Variants in FMNL2 observed in about 807,000 individuals in gnomAD.
FMNL2 encodes formin like 2.
FMNL2 carries 51 observed loss-of-function variants against 130.2 expected under a neutral mutation model. That is an observed-to-expected ratio of 0.39 (90% CI 0.31 to 0.49). The LOEUF (loss-of-function observed/expected upper bound fraction) is 0.49, where lower values mean the gene tolerates loss of function less well. Ranked by LOEUF, FMNL2 falls within the 20% of genes least tolerant of loss-of-function variation. FMNL2 has a pLI of 0.85. For synonymous variants in FMNL2, 465 were observed against 467.1 expected, an observed-to-expected ratio of 1.00 and a Z score of 0.06; for missense variants, 977 against 1,316.2, an observed-to-expected ratio of 0.74 and a Z score of 3.99.
Position 152,648,910 on chromosome 2 carries a change from G to A in FMNL2, c.*1005G>A, listed in dbSNP as rs895473972. ...ATGGAGAATTGCAGTTTAAGTTGCTGAAAAGTATTAACATGGTATTAAGCT... is the reference window on the plus strand; with the variant it reads ...ATGGAGAATTGCAGTTTAAGTTGCTAAAAAGTATTAACATGGTATTAAGCT... On this transcript the variant is annotated 3_prime_UTR_variant, in exon 26 of 26. Coordinates refer to ENST00000288670, the MANE Select transcript of FMNL2 (RefSeq NM_052905.4). 2.0e-5 allele frequency: 3 copies of A among 152,568 alleles called. No homozygotes were observed. The highest frequency in any genetic ancestry group is 4.8e-5 in the African/African-American group (2 of 41,434). The allele number at this position is 152,568 out of a possible 1,614,324, so 9.5% of individuals were successfully genotyped here.
At chr2:152,341,635 T>A (rs575977969) in intron 1 of FMNL2, among the ~76,000 whole-genome samples, 18 of 152,330 alleles carry the variant, frequency 1.2e-4, no homozygotes, top group African/African-American at 3.8e-4. Flanking sequence ...TTGGCACAAT[T>A]GTTAACATAG....
chr2:152,547,883 C>T (rs1218517758), intron 3 of FMNL2, among the ~76,000 whole-genome samples: 1 of 152,200 alleles, frequency 6.6e-6, no homozygotes, highest in Non-Finnish European at 1.5e-5. Context: ...GAGGCGCTGA[C>T]ATCAAGTTTT....
intron 1 of FMNL2, among the ~76,000 whole-genome samples, chr2:152,415,806 C>T (rs929078255): frequency 6.6e-6 from 1 of 152,172 alleles, no homozygotes; most frequent in East Asian, 1.9e-4. Context: ...GATAAATTAG[C>T]AAGTAGTTTC....
chr2:152,471,550 G>A (rs973826457), intron 1 of FMNL2, among the ~76,000 whole-genome samples: 3 of 152,190 alleles, frequency 2.0e-5, no homozygotes, highest in African/African-American at 4.8e-5. Flanking sequence ...TAGTCCACGT[G>A]GGGGTGGGCG....
intron 8 of FMNL2, among the ~76,000 whole-genome samples, chr2:152,580,539 T>A (rs1242994219): frequency 2.6e-5 from 4 of 152,210 alleles, no homozygotes; most frequent in Non-Finnish European, 5.9e-5. Context: ...GAACTTTTTT[T>A]TTTGCAAATG....
chr2:152,398,290 T>A (rs1685508256), intron 1 of FMNL2, among the ~76,000 whole-genome samples: 1 of 152,196 alleles, frequency 6.6e-6, no homozygotes, highest in South Asian at 2.1e-4. Context: ...AGAGCACAGA[T>A]TTTTTATATG....
chr2:152,382,810 T>C (rs765164030), intron 1 of FMNL2, among the ~76,000 whole-genome samples: 6 of 151,960 alleles, frequency 3.9e-5, no homozygotes, highest in Non-Finnish European at 7.4e-5. Context: ...GGGGAAAAAA[T>C]AGAAGTGTGT....
intron 1 of FMNL2, among the ~76,000 whole-genome samples, chr2:152,338,303 A>G (rs923793966): frequency 1.3e-5 from 2 of 152,192 alleles, no homozygotes; most frequent in Admixed American, 6.5e-5. Context: ...ACCTCATTGT[A>G]AGTATGGCTA....
intron 1 of FMNL2, among the ~76,000 whole-genome samples, chr2:152,489,138 G>A (rs1403971589): frequency 6.6e-6 from 1 of 152,098 alleles, no homozygotes; most frequent in Non-Finnish European, 1.5e-5. Context: ...CTGCTTCCAG[G>A]CTAAACCCAT....
chr2:152,412,475 TA>T (rs1686365225), intron 1 of FMNL2, among the ~76,000 whole-genome samples: 1 of 31,770 alleles, frequency 3.1e-5, no homozygotes, highest in African/African-American at 1.0e-4. Context: ...TATATATATA[TA>T]TATATATATA....
At chr2:152,438,019 C>A (rs1687854479) in intron 1 of FMNL2, among the ~76,000 whole-genome samples, 1 of 152,170 alleles carries the variant, frequency 6.6e-6, no homozygotes, top group Admixed American at 6.6e-5. Context: ...AAGAGACTTA[C>A]ATGGAAACTT....
intron 9 of FMNL2, among the ~76,000 whole-genome samples, chr2:152,605,914 A>G (rs937051505): frequency 1.3e-5 from 2 of 152,224 alleles, no homozygotes; most frequent in African/African-American, 2.4e-5. Flanking sequence ...ATCATGGAGA[A>G]CAGGAAGTCA....
chr2:152,361,129 TA>T (rs1473111214), intron 1 of FMNL2, among the ~76,000 whole-genome samples: 3 of 152,202 alleles, frequency 2.0e-5, no homozygotes, highest in Non-Finnish European at 4.4e-5. Context: ...TTTTTCCAGG[TA>T]AAAGCATTTA....
intron 9 of FMNL2, among the ~76,000 whole-genome samples, chr2:152,589,979 A>ATGTATGTATATGTATG (rs1188116941): frequency 6.1e-4 from 27 of 44,490 alleles, no homozygotes; most frequent in South Asian, 3.1e-3. Flanking sequence ...ATATATATAT[A>ATGTATGTATATGTATG]TATATGTATA....
At chr2:152,568,838 TG>T (rs1696009115) in intron 6 of FMNL2, among the ~76,000 whole-genome samples, 1 of 152,146 alleles carries the variant, frequency 6.6e-6, no homozygotes, top group Admixed American at 6.5e-5. Flanking sequence ...ATGGGGATTA[TG>T]GGAACTACAG....
At position 152,649,372 on chromosome 2, in the gene FMNL2, T is replaced by G. The variant is rs546712964; in HGVS notation, c.*1467T>G. The G allele has an allele frequency of 6.6e-6, 1 of 152,490 alleles. No homozygotes were observed. The highest frequency in any genetic ancestry group is 1.5e-5 in the Non-Finnish European group (1 of 68,004). 9.4% of individuals were successfully genotyped at this position (152,490 alleles called of 1,614,324 possible). A position where few individuals can be genotyped will look rare whatever the true frequency, so the allele number is the denominator to read the frequency against. On this transcript the variant is annotated 3_prime_UTR_variant, in exon 26 of 26. Transcript: ENST00000288670. ...TATACAATCTGAATGTTATTTTAACTTATAGTTTTTTTTAATATATATATT... is the reference window on the plus strand; with the variant it reads ...TATACAATCTGAATGTTATTTTAACGTATAGTTTTTTTTAATATATATATT...
intron 1 of FMNL2, among the ~76,000 whole-genome samples, chr2:152,366,125 A>C (rs1007853738): frequency 1.3e-5 from 2 of 152,096 alleles, no homozygotes; most frequent in African/African-American, 4.8e-5. Context: ...GAAATTTGGA[A>C]GATTACTGGT....
intron 1 of FMNL2, among the ~76,000 whole-genome samples, chr2:152,396,137 C>T (rs1220547693): frequency 6.6e-6 from 1 of 152,180 alleles, no homozygotes; most frequent in Admixed American, 6.5e-5. Flanking sequence ...ACATCCCTCC[C>T]CCTCTCCTTT....
rs537071072 is a variant in FMNL2 at position 152,550,586 on chromosome 2, T to C, written c.359+1489T>C. Among the ~76,000 whole-genome samples the C allele has an allele frequency of 2.0e-5, 3 of 152,346 alleles. 1 individual carries two copies. The highest frequency in any genetic ancestry group is 2.0e-4 in the Admixed American group (3 of 15,302). On this transcript the variant is annotated intron_variant, in intron 4 of 25. Coordinates refer to ENST00000288670, the MANE Select transcript of FMNL2 (RefSeq NM_052905.4). Reference sequence around the variant, plus strand: ...GCTCTGTTGTTTTTCCTGTATGACTTATGCTGGCAGCCGTTTCCCTGAAAG... The same window carrying C: ...GCTCTGTTGTTTTTCCTGTATGACTCATGCTGGCAGCCGTTTCCCTGAAAG...
Sources: allele counts gnomAD v4.1 joint callset (sites outside exome capture counted in the v4.1 genomes callset), GRCh38; gene constraint gnomAD v4.1.1; transcripts MANE v1.5; gene names NCBI Gene and HGNC (gene_info 2026-07-23, HGNC 2026-07-21).